Variants in COG5 observed in about 807,000 individuals in gnomAD.
COG5 encodes conserved oligomeric Golgi complex subunit 5.
COG5 carries 86 observed loss-of-function variants against 110.4 expected under a neutral mutation model. That is an observed-to-expected ratio of 0.78 (90% CI 0.65 to 0.93). COG5 has a LOEUF of 0.93. Among genes scored for constraint, COG5 ranks in the 40% least tolerant of loss-of-function variants. The pLI, the probability that COG5 is intolerant of heterozygous loss-of-function variation, is 0.00. For synonymous variants in COG5, 360 were observed against 334.6 expected, an observed-to-expected ratio of 1.08 and a Z score of -0.83; for missense variants, 1,077 against 987.0, an observed-to-expected ratio of 1.09 and a Z score of -1.22.
chr7:107,208,077 T>C (rs571518786), intron 21 of COG5: 14 of 985,362 alleles, frequency 1.4e-5, no homozygotes, highest in African/African-American at 1.2e-4. Context: ...AAGAACAAAA[T>C]TGTTTTGCAA....
intron 7 of COG5, among the ~76,000 whole-genome samples, chr7:107,396,641 A>T (rs1462966034): frequency 6.6e-6 from 1 of 152,134 alleles, no homozygotes; most frequent in African/African-American, 2.4e-5. Context: ...GCCTAAAAAA[A>T]TGAGGAAGAG....
At chr7:107,377,348 A>C (rs753372798) in intron 7 of COG5, among the ~76,000 whole-genome samples, 2 of 152,152 alleles carry the variant, frequency 1.3e-5, no homozygotes, top group Non-Finnish European at 2.9e-5. Flanking sequence ...TTTCAAATCA[A>C]TTGGTATAAA....
intron 10 of COG5, among the ~76,000 whole-genome samples, chr7:107,357,270 C>T (rs1375563927): frequency 6.6e-6 from 1 of 152,056 alleles, no homozygotes; most frequent in African/African-American, 2.4e-5. Context: ...TATGTGCTGT[C>T]TTTTGAGGTT....
At chr7:107,507,834 C>T (rs1397143283) in intron 6 of COG5, among the ~76,000 whole-genome samples, 3 of 152,086 alleles carry the variant, frequency 2.0e-5, no homozygotes, top group East Asian at 1.9e-4. Flanking sequence ...TTTAAACTAC[C>T]CCTCTCTTCC....
chr7:107,413,767 C>T (rs1792489627), intron 6 of COG5, among the ~76,000 whole-genome samples: 1 of 152,176 alleles, frequency 6.6e-6, no homozygotes, highest in Non-Finnish European at 1.5e-5. Context: ...CAATGACTAA[C>T]ATTTTTGAAG....
chr7:107,233,540 T>C (rs1014513181), intron 18 of COG5, among the ~76,000 whole-genome samples: 1 of 152,180 alleles, frequency 6.6e-6, no homozygotes, highest in Non-Finnish European at 1.5e-5. Context: ...TACGTCATTA[T>C]CTCTCTTTGC....
chr7:107,252,176 G>T (rs895343797), intron 16 of COG5, among the ~76,000 whole-genome samples: 1 of 152,052 alleles, frequency 6.6e-6, no homozygotes, highest in Admixed American at 6.5e-5. Flanking sequence ...CGCCATAATC[G>T]TGCCAGTGAA....
In COG5 at chr7:107,288,956, A is replaced by ATATATATG. The variant is rs1805923011; in HGVS notation, c.1314-5225_1314-5224insCATATATA. ...TATATATATATATATATATATATAT[A>ATATATATG]TATATATTTAAAAATTTATCTATAT... On this transcript the variant is annotated intron_variant, in intron 12 of 21. Coordinates refer to ENST00000297135, the MANE Select transcript of COG5 (RefSeq NM_006348.5). 2.9e-5 allele frequency among the ~76,000 whole-genome samples: 3 copies of ATATATATG among 102,284 alleles called. No individual in the cohort carries two copies. The South Asian group carries it at 9.1e-4, about 31-fold the overall frequency. 67.1% of individuals were successfully genotyped at this position (102,284 alleles called of 152,430 possible). A position where few individuals can be genotyped will look rare whatever the true frequency, so the allele number is the denominator to read the frequency against.
intron 17 of COG5, among the ~76,000 whole-genome samples, chr7:107,246,465 T>C (rs1802067982): frequency 6.6e-6 from 1 of 152,122 alleles, no homozygotes; most frequent in Non-Finnish European, 1.5e-5. Flanking sequence ...AAACTATGCA[T>C]CTGACAAAGG....
intron 5 of COG5, among the ~76,000 whole-genome samples, chr7:107,535,140 T>C (rs1270486094): frequency 6.6e-6 from 1 of 151,534 alleles, no homozygotes; most frequent in Admixed American, 6.6e-5. Flanking sequence ...AGACACAACA[T>C]ACCAGAATCT....
At chr7:107,400,895 T>C (rs906037706) in intron 7 of COG5, among the ~76,000 whole-genome samples, 2 of 151,918 alleles carry the variant, frequency 1.3e-5, no homozygotes, top group Non-Finnish European at 2.9e-5. Context: ...CATACAGAAA[T>C]GCCGTATGGT....
At chr7:107,531,348 T>C (rs1801186338) in intron 5 of COG5, among the ~76,000 whole-genome samples, 1 of 152,194 alleles carries the variant, frequency 6.6e-6, no homozygotes, top group Non-Finnish European at 1.5e-5. Flanking sequence ...TTAAGAGATG[T>C]ATGATTTTCT....
At chr7:107,296,964 A>C (rs1259589093) in intron 12 of COG5, among the ~76,000 whole-genome samples, 3 of 152,216 alleles carry the variant, frequency 2.0e-5, no homozygotes, top group African/African-American at 7.2e-5. Context: ...ACTTGATCTG[A>C]TGCTCAAATT....
intron 11 of COG5, among the ~76,000 whole-genome samples, chr7:107,309,260 A>C (rs1251074584): frequency 6.6e-6 from 1 of 152,100 alleles, no homozygotes; most frequent in African/African-American, 2.4e-5. Flanking sequence ...CACTACACAC[A>C]CAACAGTCTG....
chr7:107,229,177 G>A (rs1432646090), intron 19 of COG5, among the ~76,000 whole-genome samples: 2 of 152,108 alleles, frequency 1.3e-5, no homozygotes, highest in Non-Finnish European at 2.9e-5. Context: ...TCGGCTAGGC[G>A]CAGTGGCTCA....
chr7:107,226,437 A>C (rs1487715489), intron 19 of COG5, among the ~76,000 whole-genome samples: 1 of 152,200 alleles, frequency 6.6e-6, no homozygotes. Context: ...CTCTAACAAG[A>C]TTTTGCAGGT....
At chr7:107,471,137 T>G (rs1031067411) in intron 6 of COG5, among the ~76,000 whole-genome samples, 1 of 152,056 alleles carries the variant, frequency 6.6e-6, no homozygotes, top group African/African-American at 2.4e-5. Flanking sequence ...TCTCTCACAA[T>G]TGTATTTGAA....
At position 107,536,637 on chromosome 7, in the gene COG5, T is replaced by G. The variant is rs529299304; in HGVS notation, c.418-9280A>C. Among the ~76,000 whole-genome samples, 10 of 152,228 alleles carry G rather than the reference T, an allele frequency of 6.6e-5. No homozygotes were observed. The South Asian group carries it at 1.2e-3, about 19-fold the overall frequency. ...AGGACACGAACAAATGGAAAAACAT[T>G]CCATGCTCATGGATAGGAAGAATCA... On this transcript the variant is annotated intron_variant, in intron 5 of 21. Transcript: ENST00000297135.
intron 8 of COG5, among the ~76,000 whole-genome samples, chr7:107,368,017 A>G (rs1284064975): frequency 2.0e-5 from 3 of 152,196 alleles, no homozygotes; most frequent in Non-Finnish European, 4.4e-5. Flanking sequence ...AAAAACATTA[A>G]TCATTCAAAA....
Sources: allele counts gnomAD v4.1 joint callset (sites outside exome capture counted in the v4.1 genomes callset), GRCh38; gene constraint gnomAD v4.1.1; transcripts MANE v1.5; gene names NCBI Gene and HGNC (gene_info 2026-07-23, HGNC 2026-07-21).